Variants in TNS3 observed in about 807,000 individuals in gnomAD.
TNS3 encodes tensin-3.
A neutral mutation model predicts 140.9 loss-of-function variants in TNS3; 45 were observed. That is an observed-to-expected ratio of 0.32 (90% CI 0.25 to 0.41). TNS3 has a LOEUF of 0.41. TNS3 is among the 10% of genes least tolerant of loss of function. TNS3 has a pLI of 1.00. For missense variants in TNS3, 1,716 were observed against 1,906.7 expected (o/e 0.90, Z 1.86); for synonymous variants, 815 against 788.4 (o/e 1.03, Z -0.56).
chr7:47,531,955 C>T (rs1014642167), intron 1 of TNS3, among the ~76,000 whole-genome samples: 3 of 152,182 alleles, frequency 2.0e-5, no homozygotes, highest in Non-Finnish European at 4.4e-5. Flanking sequence ...ACCACACAGG[C>T]GGGAGCTGGG....
At position 47,276,502 on chromosome 7, in the gene TNS3, G is replaced by A. The variant is rs192819004; in HGVS notation, c.*1574C>T. 9.1e-4 allele frequency: 139 copies of A among 152,404 alleles called. No individual in the cohort carries two copies. Among genetic ancestry groups the A allele is most frequent in the African/African-American group, 3.3e-3 (136 of 41,562 alleles). The allele number at this position is 152,404 out of a possible 1,614,324, so 9.4% of individuals were successfully genotyped here. ...CCTAAGAATGGGGGATTTGACTTTTGAAAGCAGAGGAGGGAATTTCGGGCT... is the reference window on the plus strand; with the variant it reads ...CCTAAGAATGGGGGATTTGACTTTTAAAAGCAGAGGAGGGAATTTCGGGCT... On this transcript the variant is annotated 3_prime_UTR_variant, in exon 31 of 31. Coordinates refer to ENST00000311160, the MANE Select transcript of TNS3 (RefSeq NM_022748.12).
intron 16 of TNS3, among the ~76,000 whole-genome samples, chr7:47,383,135 C>G (rs932589399): frequency 6.6e-6 from 1 of 152,222 alleles, no homozygotes; most frequent in African/African-American, 2.4e-5. Flanking sequence ...CAACGTTATT[C>G]ATACTAGACA....
intron 15 of TNS3, among the ~76,000 whole-genome samples, chr7:47,399,969 A>C (rs1490971416): frequency 6.7e-6 from 1 of 150,286 alleles, no homozygotes. Context: ...ACTCGAACAA[A>C]TCCTCAAAAA....
chr7:47,287,004 A>AAT (rs1785453955), intron 27 of TNS3, among the ~76,000 whole-genome samples: 1 of 152,098 alleles, frequency 6.6e-6, no homozygotes, highest in African/African-American at 2.4e-5. Context: ...TCTTCCTCCC[A>AAT]ATATTCAGGG....
At chr7:47,437,978 T>A (rs1309463138) in intron 6 of TNS3, among the ~76,000 whole-genome samples, 1 of 150,990 alleles carries the variant, frequency 6.6e-6, no homozygotes, top group African/African-American at 2.4e-5. Flanking sequence ...ATGGCCTAAG[T>A]TCACTGAAAA....
At chr7:47,340,404 AG>A (rs1344518849) in intron 20 of TNS3, among the ~76,000 whole-genome samples, 1 of 151,556 alleles carries the variant, frequency 6.6e-6, no homozygotes, top group Non-Finnish European at 1.5e-5. Flanking sequence ...TACAGGCGTG[AG>A]CTACTCCGCC....
intron 4 of TNS3, among the ~76,000 whole-genome samples, chr7:47,475,514 T>G (rs1314500384): frequency 7.7e-6 from 1 of 129,084 alleles, no homozygotes; most frequent in Non-Finnish European, 1.7e-5. Context: ...GGCCCCTCTG[T>G]AAACAGGCGG....
chr7:47,502,698 G>T (rs1798271553), intron 3 of TNS3, among the ~76,000 whole-genome samples: 1 of 152,220 alleles, frequency 6.6e-6, no homozygotes, highest in Non-Finnish European at 1.5e-5. Flanking sequence ...CTGGAGAGCG[G>T]GGAAAGGCTC....
chr7:47,296,069 GAGAC>G (rs1407002322), intron 24 of TNS3, among the ~76,000 whole-genome samples: 34 of 152,246 alleles, frequency 2.2e-4, no homozygotes, highest in Admixed American at 1.6e-3. Flanking sequence ...TCCATTTGGG[GAGAC>G]AGACAGAGTG....
intron 1 of TNS3, chr7:47,539,343 C>T (rs926760968): frequency 1.2e-5 from 4 of 343,396 alleles, no homozygotes; most frequent in African/African-American, 4.3e-5. Context: ...TCCCACACTT[C>T]GTTACTAGTA....
At position 47,334,690 on chromosome 7, in the gene TNS3, G is replaced by A. The variant is rs572215968; in HGVS notation, c.2650+10065C>T. Reference sequence around the variant, plus strand: ...TGCGATCTCGGCTCATGCAACCTCCGCCTCCTGGGTTCAAACAGTATTTAA... The same window carrying A: ...TGCGATCTCGGCTCATGCAACCTCCACCTCCTGGGTTCAAACAGTATTTAA... On this transcript the variant is annotated intron_variant, in intron 20 of 30. Coordinates refer to ENST00000311160, the MANE Select transcript of TNS3 (RefSeq NM_022748.12). 5.9e-5 allele frequency among the ~76,000 whole-genome samples: 8 copies of A among 134,556 alleles called. No homozygotes were observed. In the East Asian group the frequency reaches 1.4e-3, roughly 23 times the overall value. 88.3% of individuals were successfully genotyped at this position (134,556 alleles called of 152,430 possible).
intron 4 of TNS3, among the ~76,000 whole-genome samples, chr7:47,445,836 G>A (rs1011179431): frequency 5.3e-5 from 8 of 152,212 alleles, no homozygotes; most frequent in African/African-American, 1.7e-4. Flanking sequence ...TGCTTGTCAA[G>A]AGGAGACTCA....
chr7:47,441,517 C>G (rs940838280), intron 5 of TNS3, among the ~76,000 whole-genome samples: 1 of 152,192 alleles, frequency 6.6e-6, no homozygotes, highest in African/African-American at 2.4e-5. Context: ...AAATCAGCAT[C>G]CAAACAATTC....
At chr7:47,455,821 A>G (rs1158840554) in intron 4 of TNS3, among the ~76,000 whole-genome samples, 1 of 152,202 alleles carries the variant, frequency 6.6e-6, no homozygotes, top group Non-Finnish European at 1.5e-5. Context: ...ATGGCTAGAA[A>G]GCATCTGATA....
chr7:47,390,551 T>C (rs1304843022), intron 16 of TNS3, among the ~76,000 whole-genome samples: 1 of 152,192 alleles, frequency 6.6e-6, no homozygotes, highest in Non-Finnish European at 1.5e-5. Context: ...TCTGGGAATG[T>C]TCATCAAGGT....
chr7:47,316,619 A>T (rs542396334), intron 20 of TNS3, among the ~76,000 whole-genome samples: 1 of 151,296 alleles, frequency 6.6e-6, no homozygotes, highest in South Asian at 2.1e-4. Context: ...ACTTGAGATC[A>T]GGAGTTTGAG....
intron 4 of TNS3, among the ~76,000 whole-genome samples, chr7:47,444,179 G>A (rs974437236): frequency 1.3e-5 from 2 of 152,176 alleles, no homozygotes; most frequent in African/African-American, 4.8e-5. Context: ...CAACATCTCA[G>A]GGGAGAACAG....
At position 47,414,806 on chromosome 7, in the gene TNS3, G is replaced by A. The variant is rs370813446; in HGVS notation, c.586+288C>T. 5.3e-5 allele frequency among the ~76,000 whole-genome samples: 8 copies of A among 152,182 alleles called. No individual in the cohort carries two copies. The East Asian group carries it at 9.7e-4, about 18-fold the overall frequency. On this transcript the variant is annotated intron_variant, in intron 11 of 30. Transcript: ENST00000311160. ...GCACAGCTGACCCACTAGGGCTGCAGCCCAGAACAATGCTTGTCTGCCCTA... is the reference window on the plus strand; with the variant it reads ...GCACAGCTGACCCACTAGGGCTGCAACCCAGAACAATGCTTGTCTGCCCTA...
intron 16 of TNS3, among the ~76,000 whole-genome samples, chr7:47,392,697 C>T (rs1470246394): frequency 6.6e-6 from 1 of 152,250 alleles, no homozygotes; most frequent in Non-Finnish European, 1.5e-5. Context: ...CCAGGCACTG[C>T]TGACCGCAGG....
Sources: gnomAD v4.1 joint callset for allele counts (sites outside exome capture counted in the v4.1 genomes callset) on GRCh38, gnomAD v4.1.1 for gene constraint, MANE v1.5 for transcripts, NCBI Gene and HGNC (gene_info 2026-07-23, HGNC 2026-07-21) for gene names.